The following KCNIP1 variants were observed in gnomAD, a reference collection of about 807,000 sequenced individuals.
The protein encoded by KCNIP1 is potassium voltage-gated channel interacting protein 1, also known as A-type potassium channel modulatory protein KCNIP1.
In KCNIP1, 18 loss-of-function variants were observed where a neutral mutation model predicts 33.0. The observed-to-expected ratio is 0.55, with a 90% CI of 0.38 to 0.81. The LOEUF is 0.81. Among genes scored for constraint, KCNIP1 ranks in the 30% least tolerant of loss-of-function variants. The pLI, the probability that KCNIP1 is intolerant of heterozygous loss-of-function variation, is 0.00. For synonymous variants in KCNIP1, 93 were observed against 98.3 expected, an observed-to-expected ratio of 0.95 and a Z score of 0.32; for missense variants, 238 against 271.6, an observed-to-expected ratio of 0.88 and a Z score of 0.87.
At chr5:170,433,312 G>A (rs1206650401) in intron 1 of KCNIP1, among the ~76,000 whole-genome samples, 3 of 152,094 alleles carry the variant, frequency 2.0e-5, no homozygotes, top group African/African-American at 2.4e-5. Context: ...TCAGTCTCCT[G>A]AGTAGCTGGG....
intron 1 of KCNIP1, chr5:170,483,110 T>C (rs756440593): frequency 6.6e-6 from 3 of 454,334 alleles, no homozygotes; most frequent in Non-Finnish European, 1.3e-5. Context: ...GCTTGGGCAG[T>C]ACGTGTGTGC....
At chr5:170,613,263 T>C (rs1759244492) in intron 1 of KCNIP1, among the ~76,000 whole-genome samples, 1 of 152,202 alleles carries the variant, frequency 6.6e-6, no homozygotes, top group Non-Finnish European at 1.5e-5. Context: ...TGTCCATCGC[T>C]CCATCCATTG....
intron 1 of KCNIP1, among the ~76,000 whole-genome samples, chr5:170,562,559 G>C (rs1378907602): frequency 6.6e-6 from 1 of 152,168 alleles, no homozygotes; most frequent in African/African-American, 2.4e-5. Flanking sequence ...CCAAAGCTCA[G>C]TGGGTCCCCG....
intron 1 of KCNIP1, among the ~76,000 whole-genome samples, chr5:170,654,001 A>G (rs1050517301): frequency 2.0e-5 from 3 of 152,104 alleles, no homozygotes; most frequent in African/African-American, 7.2e-5. Context: ...CTGGCAATTC[A>G]TCTTCTGCAA....
intron 1 of KCNIP1, among the ~76,000 whole-genome samples, chr5:170,602,816 G>A (rs1242348272): frequency 6.6e-6 from 1 of 152,242 alleles, no homozygotes; most frequent in East Asian, 1.9e-4. Flanking sequence ...GCCAGGAAAA[G>A]GAGCTTCCCC....
At chr5:170,581,438 G>C (rs1347637731) in intron 1 of KCNIP1, among the ~76,000 whole-genome samples, 2 of 152,234 alleles carry the variant, frequency 1.3e-5, no homozygotes, top group African/African-American at 4.8e-5. Context: ...TCATGTGCCA[G>C]CTTTTAATTC....
chr5:170,413,041 G>A (rs1755238784), intron 1 of KCNIP1, among the ~76,000 whole-genome samples: 1 of 152,226 alleles, frequency 6.6e-6, no homozygotes, highest in African/African-American at 2.4e-5. Flanking sequence ...CAGTGCTAAA[G>A]CAGCGCTGGG....
chr5:170,589,586 GCGGAAGGT>G (rs1758128754), intron 1 of KCNIP1, among the ~76,000 whole-genome samples: 1 of 152,198 alleles, frequency 6.6e-6, no homozygotes, highest in Non-Finnish European at 1.5e-5. Context: ...GATGGAGAGT[GCGGAAGGT>G]TGGGGCACTT....
chr5:170,670,694 A>C (rs1328574298), intron 1 of KCNIP1, among the ~76,000 whole-genome samples: 1 of 152,114 alleles, frequency 6.6e-6, no homozygotes, highest in African/African-American at 2.4e-5. Context: ...GGAGTTCAAG[A>C]CCACCCTGGG....
chr5:170,674,806 A>G (rs1022208007), intron 1 of KCNIP1, among the ~76,000 whole-genome samples: 6 of 152,174 alleles, frequency 3.9e-5, no homozygotes, highest in Admixed American at 1.3e-4. Flanking sequence ...CTTCCTCTCC[A>G]GTCTCCATGG....
chr5:170,491,490 C>T (rs563039754), intron 1 of KCNIP1, among the ~76,000 whole-genome samples: 1 of 152,190 alleles, frequency 6.6e-6, no homozygotes, highest in Non-Finnish European at 1.5e-5. Context: ...CTCATATTTC[C>T]TCCTCATCAC....
chr5:170,728,900 T>C (rs1399634197), intron 5 of KCNIP1, among the ~76,000 whole-genome samples: 1 of 152,060 alleles, frequency 6.6e-6, no homozygotes, highest in Non-Finnish European at 1.5e-5. Context: ...TACTGAAATA[T>C]ATTATAAAGC....
At chr5:170,584,404 G>A (rs1445203674) in intron 1 of KCNIP1, among the ~76,000 whole-genome samples, 1 of 152,206 alleles carries the variant, frequency 6.6e-6, no homozygotes, top group African/African-American at 2.4e-5. Flanking sequence ...GGCCAGGCTG[G>A]ACAGTAAGAG....
intron 1 of KCNIP1, among the ~76,000 whole-genome samples, chr5:170,702,698 T>C (rs1357155055): frequency 6.6e-6 from 1 of 152,004 alleles, no homozygotes; most frequent in Non-Finnish European, 1.5e-5. Context: ...TCCCTTGAGG[T>C]TCCAAAGCAT....
chr5:170,491,978 A>C (rs1003843288), intron 1 of KCNIP1, among the ~76,000 whole-genome samples: 1 of 152,198 alleles, frequency 6.6e-6, no homozygotes, highest in Non-Finnish European at 1.5e-5. Context: ...GAGTTTTCAT[A>C]ATAATGTTGA....
intron 1 of KCNIP1, among the ~76,000 whole-genome samples, chr5:170,667,289 G>A (rs903054457): frequency 3.4e-5 from 5 of 146,752 alleles, no homozygotes; most frequent in African/African-American, 1.3e-4. Flanking sequence ...TCCAGCCTGA[G>A]CAACAAGAGT....
At chr5:170,386,157 C>T (rs891453384) in intron 1 of KCNIP1, among the ~76,000 whole-genome samples, 1 of 151,720 alleles carries the variant, frequency 6.6e-6, no homozygotes, top group Non-Finnish European at 1.5e-5. Context: ...AAGATAAAGG[C>T]TCTTGAAATG....
At chr5:170,684,119 G>T (rs1762462743) in intron 1 of KCNIP1, among the ~76,000 whole-genome samples, 1 of 152,170 alleles carries the variant, frequency 6.6e-6, no homozygotes, top group East Asian at 1.9e-4. Context: ...AAAGAGCTGG[G>T]TTGCAATTCT....
At chr5:170,587,054 G>A (rs918795487) in intron 1 of KCNIP1, among the ~76,000 whole-genome samples, 2 of 152,182 alleles carry the variant, frequency 1.3e-5, no homozygotes, top group Non-Finnish European at 2.9e-5. Context: ...AGAACAATGT[G>A]GGATGGACCG....
Sources: gnomAD v4.1 joint callset for allele counts (sites outside exome capture counted in the v4.1 genomes callset) on GRCh38, gnomAD v4.1.1 for gene constraint, MANE v1.5 for transcripts, NCBI Gene and HGNC (gene_info 2026-07-23, HGNC 2026-07-21) for gene names.